The following CMSS1 variants were observed in gnomAD, a reference collection of about 807,000 sequenced individuals.
The protein encoded by CMSS1 is cms1 ribosomal small subunit homolog.
In CMSS1, 33 loss-of-function variants were observed where a neutral mutation model predicts 43.5. The ratio of observed to expected loss-of-function variants is 0.76; its 90% CI spans 0.57 to 1.01. The LOEUF (loss-of-function observed/expected upper bound fraction) is 1.01, where lower values mean the gene tolerates loss of function less well. Among genes scored for constraint, CMSS1 ranks in the 50% least tolerant of loss-of-function variants. The probability of loss-of-function intolerance (pLI) is 0.00; values close to 1 mark genes in which losing one functional copy is unlikely to be tolerated. For synonymous variants in CMSS1, 115 were observed against 117.2 expected, an observed-to-expected ratio of 0.98 and a Z score of 0.12; for missense variants, 313 against 326.4, an observed-to-expected ratio of 0.96 and a Z score of 0.32.
At chr3:99,850,788 T>C (rs1394674471) in intron 1 of CMSS1, 1 of 1,614,104 alleles carries the variant, frequency 6.2e-7, no homozygotes, top group Non-Finnish European at 8.5e-7. Context: ...TGGTCTGCGT[T>C]TGCAGTTCCT....
At chr3:100,116,555 A>T (rs1316435562) in intron 1 of CMSS1, among the ~76,000 whole-genome samples, 1 of 152,168 alleles carries the variant, frequency 6.6e-6, no homozygotes, top group Non-Finnish European at 1.5e-5. Context: ...TTAGAAACCA[A>T]GATCTGGGGA....
intron 1 of CMSS1, among the ~76,000 whole-genome samples, chr3:99,967,562 C>A (rs1025043950): frequency 6.6e-6 from 1 of 152,136 alleles, no homozygotes. Context: ...TATGGTGAGT[C>A]CCTACACCTG....
At chr3:99,979,357 C>T (rs1250428047) in intron 1 of CMSS1, among the ~76,000 whole-genome samples, 1 of 152,120 alleles carries the variant, frequency 6.6e-6, no homozygotes, top group Non-Finnish European at 1.5e-5. Context: ...ATATACGGCT[C>T]AGAGTTAAGA....
At chr3:99,833,079 G>A in intron 1 of CMSS1, 1 of 668,096 alleles carries the variant, frequency 1.5e-6, no homozygotes, top group Non-Finnish European at 2.7e-6. Flanking sequence ...AGAGTTGGAG[G>A]CTCCTGGGTT....
intron 7 of CMSS1, 146 bp downstream of exon 7, chr3:100,172,045 T>G: frequency 1.4e-6 from 1 of 695,706 alleles, no homozygotes; most frequent in Non-Finnish European, 2.4e-6. Flanking sequence ...TTTTTTAAAT[T>G]CTATGCTTCT....
At chr3:100,147,243 G>GT (rs2066860574) in intron 2 of CMSS1, among the ~76,000 whole-genome samples, 182 bp downstream of exon 2, 1 of 127,572 alleles carries the variant, frequency 7.8e-6, no homozygotes, top group Non-Finnish European at 1.7e-5. Flanking sequence ...AGCAAGTTCT[G>GT]TTTTTTGCCC....
At chr3:100,060,103 T>C (rs2065535697) in intron 1 of CMSS1, among the ~76,000 whole-genome samples, 1 of 152,010 alleles carries the variant, frequency 6.6e-6, no homozygotes, top group Non-Finnish European at 1.5e-5. Flanking sequence ...GTGCCGGGTA[T>C]GGTAAAGGGA....
chr3:99,880,070 T>C (rs796372988), intron 1 of CMSS1, among the ~76,000 whole-genome samples: 5 of 152,260 alleles, frequency 3.3e-5, no homozygotes, highest in African/African-American at 1.2e-4. Flanking sequence ...GTGCTTCTAC[T>C]CTCCGATCCC....
chr3:99,875,795 T>C (rs905560574), intron 1 of CMSS1, among the ~76,000 whole-genome samples: 3 of 152,202 alleles, frequency 2.0e-5, no homozygotes, highest in African/African-American at 7.2e-5. Flanking sequence ...ATTCAATGTG[T>C]AGCTCACTTG....
At chr3:99,992,333 T>C (rs572635366) in intron 1 of CMSS1, among the ~76,000 whole-genome samples, 25 of 152,192 alleles carry the variant, frequency 1.6e-4, no homozygotes, top group Middle Eastern at 3.4e-3. Flanking sequence ...CCAACATCTG[T>C]TGTTTTTTGA....
intron 1 of CMSS1, chr3:99,851,085 G>T: frequency 6.5e-7 from 1 of 1,549,304 alleles, no homozygotes; most frequent in East Asian, 2.3e-5. Context: ...AAAATGTAAA[G>T]TGCATTTTAT....
chr3:100,049,146 A>G (rs1215654931), intron 1 of CMSS1, among the ~76,000 whole-genome samples: 2 of 152,114 alleles, frequency 1.3e-5, no homozygotes, highest in African/African-American at 4.8e-5. Context: ...TTTTTCTTTT[A>G]CCTTCTCTCC....
chr3:100,170,016 C>T (rs755624876), intron 6 of CMSS1, among the ~76,000 whole-genome samples: 3 of 152,122 alleles, frequency 2.0e-5, no homozygotes, highest in Non-Finnish European at 4.4e-5. Flanking sequence ...AGGTGATTTA[C>T]AAAAGGTGAT....
At chr3:99,970,294 A>G (rs1708775264) in intron 1 of CMSS1, among the ~76,000 whole-genome samples, 1 of 152,222 alleles carries the variant, frequency 6.6e-6, no homozygotes, top group Admixed American at 6.5e-5. Flanking sequence ...AGAGGCTGCA[A>G]TCACTCTGAA....
intron 1 of CMSS1, chr3:100,075,646 A>G (rs1185128166): frequency 6.6e-6 from 1 of 151,852 alleles, no homozygotes; most frequent in East Asian, 1.9e-4. Flanking sequence ...ATTACACAAG[A>G]ATTAAATGAA....
intron 1 of CMSS1, among the ~76,000 whole-genome samples, chr3:100,127,736 C>T (rs957330421): frequency 1.2e-4 from 18 of 152,206 alleles, no homozygotes; most frequent in Admixed American, 1.1e-3. Flanking sequence ...GAATGGAGGG[C>T]GTGGAGACAG....
In CMSS1 at chr3:100,145,701, C is replaced by T. The variant is rs147852194; in HGVS notation, c.65-1272C>T. Among the ~76,000 whole-genome samples, 232 of 152,270 alleles carry T rather than the reference C, an allele frequency of 1.5e-3. 1 individual carries two copies. Among genetic ancestry groups the T allele is most frequent in the African/African-American group, 5.3e-3 (221 of 41,558 alleles). On this transcript the variant is annotated intron_variant, in intron 1 of 9. Coordinates refer to ENST00000421999, the MANE Select transcript of CMSS1 (RefSeq NM_032359.4). ...TTTTAGTCTAAACATGATAGGCTTG[C>T]GACCCAGGAAGAGCTGGTGTTTCAG... is the stretch of plus-strand genomic sequence containing the variant.
chr3:99,918,921 G>A (rs1167263622), intron 1 of CMSS1, among the ~76,000 whole-genome samples: 1 of 152,180 alleles, frequency 6.6e-6, no homozygotes, highest in Admixed American at 6.5e-5. Context: ...ATAGTCTTGA[G>A]AATATGTAAT....
At position 100,017,630 on chromosome 3, in the gene CMSS1, A is replaced by G. The variant is rs187799746; in HGVS notation, c.65-129343A>G. On this transcript the variant is annotated intron_variant, in intron 1 of 9. Coordinates refer to ENST00000421999, the MANE Select transcript of CMSS1 (RefSeq NM_032359.4). ...TTTGAGAGTCCTTGGATTATCTGAC[A>G]TGTAAAGTTGTGAGCCAGATGTGGT... is the stretch of plus-strand genomic sequence containing the variant. 7.4e-4 allele frequency among the ~76,000 whole-genome samples: 113 copies of G among 152,312 alleles called. 1 individual carries two copies. The highest frequency in any genetic ancestry group is 2.7e-3 in the African/African-American group (112 of 41,566).
Sources: gnomAD v4.1 joint callset for allele counts (sites outside exome capture counted in the v4.1 genomes callset) on GRCh38, gnomAD v4.1.1 for gene constraint, MANE v1.5 for transcripts, NCBI Gene and HGNC (gene_info 2026-07-23, HGNC 2026-07-21) for gene names.